PAQR3: variants seen among roughly 807,000 people sequenced by gnomAD.
The protein encoded by PAQR3 is progestin and adipoQ receptor family member 3, also known as Raf kinase trapping to Golgi.
In PAQR3, 39 loss-of-function variants were observed where a neutral mutation model predicts 41.7. The observed-to-expected ratio is 0.93, with a 90% CI of 0.72 to 1.22. PAQR3 has a LOEUF of 1.22. Among genes scored for constraint, PAQR3 ranks in the 50% most tolerant of loss-of-function variants. PAQR3 has a pLI of 0.00. For synonymous variants in PAQR3, 140 were observed against 140.6 expected, an observed-to-expected ratio of 1.00 and a Z score of 0.03; for missense variants, 366 against 385.6, an observed-to-expected ratio of 0.95 and a Z score of 0.42.
At chr4:78,921,065 C>T (rs189200009) in intron 5 of PAQR3, among the ~76,000 whole-genome samples, 48 of 151,790 alleles carry the variant, frequency 3.2e-4, no homozygotes, top group African/African-American at 9.7e-4. Flanking sequence ...GGTATAAATC[C>T]GCGAGAAGGA....
chr4:78,899,835 A>G (rs1273061554), intron 11 of PAQR3, among the ~76,000 whole-genome samples: 1 of 152,178 alleles, frequency 6.6e-6, no homozygotes, highest in African/African-American at 2.4e-5. Flanking sequence ...AGAGTTGAAG[A>G]AGTTGAGATA....
chr4:78,936,716 T>C (rs1250463183), intron 1 of PAQR3, among the ~76,000 whole-genome samples: 1 of 152,156 alleles, frequency 6.6e-6, no homozygotes, highest in Non-Finnish European at 1.5e-5. Flanking sequence ...ACAGGACTGT[T>C]TTGACAATCA....
At chr4:78,900,694 A>G (rs1368526127) in intron 11 of PAQR3, among the ~76,000 whole-genome samples, 2 of 152,242 alleles carry the variant, frequency 1.3e-5, no homozygotes, top group Admixed American at 1.3e-4. Flanking sequence ...TAGAAAGATT[A>G]GCTGAATATA....
intron 11 of PAQR3, among the ~76,000 whole-genome samples, chr4:78,894,395 A>G (rs1305890499): frequency 2.0e-5 from 3 of 152,160 alleles, no homozygotes; most frequent in Admixed American, 1.3e-4. Flanking sequence ...AATCTTCCGG[A>G]TAACTTGTTA....
chr4:78,918,212 GTAA>G lies in PAQR3; in HGVS notation c.*2324_*2326del. On this transcript the variant is annotated 3_prime_UTR_variant, in exon 6 of 6. Coordinates refer to ENST00000512733, the MANE Select transcript of PAQR3 (RefSeq NM_001040202.2). Reference sequence around the variant, plus strand: ...GTAAAATTAAAACCAGTCTTTTTTAGTAATAAAACTGGATAGTATATTTTAATC... The same window carrying G: ...GTAAAATTAAAACCAGTCTTTTTTAGTAAAACTGGATAGTATATTTTAATC... The G allele has an allele frequency of 2.2e-6, 2 of 896,634 alleles. No homozygotes were observed. Among genetic ancestry groups the G allele is most frequent in the Non-Finnish European group, 2.6e-6 (2 of 766,950 alleles). The allele number at this position is 896,634 out of a possible 1,614,324, so 55.5% of individuals were successfully genotyped here.
At chr4:78,896,144 C>G (rs562541333) in intron 11 of PAQR3, among the ~76,000 whole-genome samples, 1 of 151,578 alleles carries the variant, frequency 6.6e-6, no homozygotes, top group South Asian at 2.1e-4. Context: ...AACTTTTTTG[C>G]AGCCAAGATT....
chr4:78,923,924 C>A lies in PAQR3; in HGVS notation c.726G>T (p.Val242=), dbSNP rs762731867. Residue 242 remains valine (V), a synonymous_variant, in exon 5 of 6, where the codon GTG becomes GTT. Coordinates refer to ENST00000512733, the MANE Select transcript of PAQR3 (RefSeq NM_001040202.2). ...AAGCAAGAAGAGCAATCATATACAT[C>A]ACAATTACACGGGGTGCAAAGTCCT... ...IVQDFAPRVI[V]MYMIALLAFL... 2.5e-6 allele frequency: 4 copies of A among 1,613,108 alleles called. No individual in the cohort carries two copies. Among genetic ancestry groups the A allele is most frequent in the Non-Finnish European group, 3.4e-6 (4 of 1,179,372 alleles).
At chr4:78,894,479 C>T (rs1451673029) in intron 11 of PAQR3, among the ~76,000 whole-genome samples, 1 of 152,232 alleles carries the variant, frequency 6.6e-6, no homozygotes, top group East Asian at 1.9e-4. Flanking sequence ...CCAACCTCTA[C>T]TAGCTTCAGA....
chr4:78,921,552 AAAAC>A, intron 5 of PAQR3: 2 of 692,986 alleles, frequency 2.9e-6, no homozygotes, highest in Non-Finnish European at 3.6e-6. Flanking sequence ...ATTTTTTTAA[AAAAC>A]AAAACACAGA....
chr4:78,910,736 A>G (rs1320980537), downstream of PAQR3: 7 of 1,613,818 alleles, frequency 4.3e-6, no homozygotes, highest in Non-Finnish European at 5.9e-6. Context: ...ACCTCAGTAC[A>G]GGGTCAAGTG....
At chr4:78,935,638 A>T (rs1482290863) in intron 1 of PAQR3, among the ~76,000 whole-genome samples, 1 of 152,206 alleles carries the variant, frequency 6.6e-6, no homozygotes, top group African/African-American at 2.4e-5. Context: ...TGCCTTGCTC[A>T]GATTAGTCTA....
chr4:78,888,795 G>T lies in PAQR3; in HGVS notation c.*837-647C>A, dbSNP rs185932549. 2.6e-3 allele frequency among the ~76,000 whole-genome samples: 393 copies of T among 152,270 alleles called. 1 individual carries two copies. Among genetic ancestry groups the T allele is most frequent in the Non-Finnish European group, 4.4e-3 (302 of 68,032 alleles). ...TAATTGAGGGTGGGAAATATGAATT[G>T]TCTATCTTTGAATCCTGCCCAGTAT... On this transcript the variant is annotated intron_variant and NMD_transcript_variant, in intron 11 of 12. Coordinates refer to the PAQR3 transcript ENST00000342820.
Position 78,930,308 on chromosome 4 carries a change from A to C in PAQR3, c.366T>G (p.Ser122=), listed in dbSNP as rs200320506. 3.7e-6 allele frequency: 6 copies of C among 1,612,946 alleles called. No individual in the cohort carries two copies. In the East Asian group the frequency reaches 1.1e-4, roughly 30 times the overall value. The change falls in exon 3 of 6, where the codon TCT becomes TCG. Residue 122 remains serine, a synonymous_variant. Transcript: ENST00000512733. ...GGCAGGAAAAAAGATGATAGCCCAC[A>C]GAGCAAAGCATACAGACCTGTGAAA... ...LFCFQVCMLC[S]VGYHLFSCHR...
At chr4:78,906,301 A>C (rs1225506815) in intron 10 of PAQR3, 1 of 152,160 alleles carries the variant, frequency 6.6e-6, no homozygotes, top group African/African-American at 2.4e-5. Flanking sequence ...GGGTTGCAAG[A>C]ATATGGGAGA....
At chr4:78,910,908 C>T (rs368925933), downstream of PAQR3, 1 of 1,613,774 alleles carries the variant, frequency 6.2e-7, no homozygotes, top group Non-Finnish European at 8.5e-7. Flanking sequence ...ATAGGCCTCT[C>T]CTCATGGATT....
At chr4:78,889,112 T>G (rs961523333) in intron 11 of PAQR3, among the ~76,000 whole-genome samples, 1 of 150,400 alleles carries the variant, frequency 6.6e-6, no homozygotes, top group Non-Finnish European at 1.5e-5. Context: ...TCCCAGCTAC[T>G]CGGGAGGCTA....
rs918083201 is a variant in PAQR3, at chr4:78,914,579, A to G, written c.*5960T>C. ...GTTATTCCCTTGTGAGAATTATGAG[A>G]ATAAAGCTCCCAAGATATGTGAAAG... On this transcript the variant is annotated 3_prime_UTR_variant, in exon 6 of 6. Transcript: ENST00000512733. 6 of 151,944 alleles carry G rather than the reference A, an allele frequency of 3.9e-5. No homozygotes were observed. The highest frequency in any genetic ancestry group is 7.4e-5 in the Non-Finnish European group (5 of 67,902). 9.4% of individuals were successfully genotyped at this position (151,944 alleles called of 1,614,324 possible).
At chr4:78,901,731 C>G (rs777902721) in intron 11 of PAQR3, among the ~76,000 whole-genome samples, 3 of 152,160 alleles carry the variant, frequency 2.0e-5, no homozygotes, top group Non-Finnish European at 2.9e-5. Flanking sequence ...GTGTGGACCA[C>G]CCCATTTTAA....
In PAQR3 at chr4:78,913,710, A is replaced by C. The variant is rs1560563495; in HGVS notation, c.*6829T>G. The C allele has an allele frequency of 6.6e-6, 1 of 152,172 alleles. No homozygotes were observed. Among genetic ancestry groups the C allele is most frequent in the African/African-American group, 2.4e-5 (1 of 41,452 alleles). The allele number at this position is 152,172 out of a possible 1,614,324, so 9.4% of individuals were successfully genotyped here. A position where few individuals can be genotyped will look rare whatever the true frequency, so the allele number is the denominator to read the frequency against. On this transcript the variant is annotated 3_prime_UTR_variant, in exon 6 of 6. Transcript: ENST00000512733. The stretch of plus-strand genomic sequence containing the variant: ...ACTTGGAAAGAAGCAAAGTATATGT[A>C]ACTAAACCACATATTTGTCTTTTTA...
Sources: gnomAD v4.1 joint callset for allele counts (sites outside exome capture counted in the v4.1 genomes callset) on GRCh38, gnomAD v4.1.1 for gene constraint, MANE v1.5 for transcripts, NCBI Gene and HGNC (gene_info 2026-07-23, HGNC 2026-07-21) for gene names.